Variants in CDH4 observed in about 807,000 individuals in gnomAD.
CDH4 encodes the protein cadherin-4.
In CDH4, 33 loss-of-function variants were observed where a neutral mutation model predicts 86.0. The ratio of observed to expected loss-of-function variants is 0.38; its 90% confidence interval spans 0.29 to 0.51. CDH4 has a LOEUF of 0.51. Ranked by LOEUF, CDH4 falls within the 20% of genes least tolerant of loss-of-function variation. The pLI is 0.86. For synonymous variants in CDH4, 555 were observed against 549.4 expected (o/e 1.01, Z -0.14); for missense variants, 1,114 against 1,307.4 (o/e 0.85, Z 2.28).
intron 2 of CDH4, among the ~76,000 whole-genome samples, chr20:61,436,077 C>T (rs1479197037): frequency 6.6e-6 from 1 of 152,160 alleles, no homozygotes; most frequent in East Asian, 1.9e-4. Context: ...TAGCCCTGCT[C>T]ATGCTCCAGA....
At chr20:61,735,054 C>T (rs560944856) in intron 2 of CDH4, among the ~76,000 whole-genome samples, 10 of 152,242 alleles carry the variant, frequency 6.6e-5, no homozygotes, top group South Asian at 6.3e-4. Context: ...ACAGGAAAAA[C>T]GACAGAGGGG....
rs1030179790 is a variant in CDH4, at chr20:61,480,245, C to G, written c.169+225308C>G. Among the ~76,000 whole-genome samples, 9 of 152,172 alleles carry G rather than the reference C, an allele frequency of 5.9e-5. No individual in the cohort carries two copies. Among genetic ancestry groups the G allele is most frequent in the Non-Finnish European group, 8.8e-5 (6 of 68,036 alleles). On this transcript the variant is annotated intron_variant, in intron 2 of 15. Coordinates refer to ENST00000614565, the MANE Select transcript of CDH4 (RefSeq NM_001794.5). This position sits in a 1 kb window ranked among gnomAD's most constrained non-coding sequence, Gnocchi z 5.2. ...ACCCCAGGAGGACCCCAGGCTCCCC[C>G]TCTCGTGGTAGCCTGGAAACTCCCC...
rs567871141 is a variant in CDH4 at position 61,518,660 on chromosome 20, A to G, written c.170-224903A>G. Reference sequence around the variant, plus strand: ...CATTTATCCATCCATTCATCCTTCCATCTATCATCCTTTATTCATCCATCC... The same window carrying G: ...CATTTATCCATCCATTCATCCTTCCGTCTATCATCCTTTATTCATCCATCC... On this transcript the variant is annotated intron_variant, in intron 2 of 15. Transcript: ENST00000614565. This position sits in a 1 kb window ranked among gnomAD's most constrained non-coding sequence, Gnocchi z 6.3. Among the ~76,000 whole-genome samples the G allele has an allele frequency of 1.1e-3, 170 of 151,184 alleles. 1 individual carries two copies. The highest frequency in any genetic ancestry group is 3.7e-3 in the African/African-American group (153 of 41,104).
chr20:61,732,829 C>G (rs371074975), intron 2 of CDH4, among the ~76,000 whole-genome samples: 2 of 152,352 alleles, frequency 1.3e-5, no homozygotes, highest in African/African-American at 4.8e-5. Flanking sequence ...ATGAGCCCCC[C>G]ACCCCATGTC....
At chr20:61,563,506 C>G (rs1384174530) in intron 2 of CDH4, among the ~76,000 whole-genome samples, 7 of 152,140 alleles carry the variant, frequency 4.6e-5, no homozygotes, top group Non-Finnish European at 8.8e-5. Context: ...CACATTCACA[C>G]TCAGCAGGGG....
At chr20:61,383,615 A>C (rs111220222) in intron 2 of CDH4, among the ~76,000 whole-genome samples, 5 of 42 alleles carry the variant, frequency 0.12, no homozygotes, top group African/African-American at 0.2. Context: ...GATATATATG[A>C]ATATATGATA....
intron 2 of CDH4, among the ~76,000 whole-genome samples, chr20:61,304,754 G>A (rs992222161): frequency 6.8e-6 from 1 of 147,218 alleles, no homozygotes; most frequent in African/African-American, 2.5e-5. Flanking sequence ...TGCATGCAGT[G>A]TGCATGTTGT....
chr20:61,466,902 G>C, intron 2 of CDH4, among the ~76,000 whole-genome samples: 1 of 150,812 alleles, frequency 6.6e-6, no homozygotes, highest in Non-Finnish European at 1.5e-5. Flanking sequence ...AAGACTGAGG[G>C]CGGGGGTGGG....
chr20:61,353,456 T>A (rs1186190111), intron 2 of CDH4, among the ~76,000 whole-genome samples: 1 of 152,084 alleles, frequency 6.6e-6, no homozygotes, highest in East Asian at 1.9e-4. Context: ...GTTATCTAAC[T>A]CTTTACCTTG....
chr20:61,838,563 G>A (rs1448676608), intron 4 of CDH4, among the ~76,000 whole-genome samples: 3 of 152,074 alleles, frequency 2.0e-5, no homozygotes, highest in African/African-American at 7.2e-5. Flanking sequence ...TGTAATCCCA[G>A]CACTTTGGGA....
rs2088796387 is a variant in CDH4 at position 61,773,080 on chromosome 20, C to A, written c.474C>A (p.His158Gln). 1.9e-6 allele frequency: 3 copies of A among 1,613,664 alleles called. No homozygotes were observed. The South Asian group carries it at 3.3e-5, about 18-fold the overall frequency. Residue 158 changes from histidine to glutamine, a missense_variant, in exon 4 of 16, where the codon CAC (histidine) becomes CAA (glutamine). Coordinates refer to ENST00000614565, the MANE Select transcript of CDH4 (RefSeq NM_001794.5). ...ACACCCTGCTGCCGTGGCCCCAGCA[C>A]CAGAACGCCAACGGGCTGAGGCGGC... ...PKDTLLPWPQ[H>Q]QNANGLRRRK... is the part of the protein sequence containing the mutation.
chr20:61,726,083 C>A (rs1057157670), intron 2 of CDH4, among the ~76,000 whole-genome samples: 9 of 151,990 alleles, frequency 5.9e-5, no homozygotes, highest in Non-Finnish European at 7.4e-5. Flanking sequence ...CCAGCCACCA[C>A]GACCAGGGCC....
In CDH4 at chr20:61,252,510, G is replaced by C. The variant is rs2084066921; in HGVS notation, c.-4G>C. On this transcript the variant is annotated 5_prime_UTR_variant, in exon 1 of 16. Coordinates refer to ENST00000614565, the MANE Select transcript of CDH4 (RefSeq NM_001794.5). The surrounding 1 kb of genome is among the most constrained non-coding windows in gnomAD (Gnocchi z 4.4). ...TGCCGGGCACCGGGCGGGCGGCGGG[G>C]AAGATGACCGCGGGCGCCGGCGTGC... 8.4e-7 allele frequency: 1 copy of C among 1,185,344 alleles called. No homozygotes were observed. The highest frequency in any genetic ancestry group is 4.6e-5 in the Admixed American group (1 of 21,858). 73.4% of individuals were successfully genotyped at this position (1,185,344 alleles called of 1,614,324 possible). A position where few individuals can be genotyped will look rare whatever the true frequency, so the allele number is the denominator to read the frequency against.
chr20:61,698,969 G>T (rs1359718004), intron 2 of CDH4, among the ~76,000 whole-genome samples: 1 of 152,230 alleles, frequency 6.6e-6, no homozygotes, highest in African/African-American at 2.4e-5. Context: ...CACCTTTGGT[G>T]GTTGCATCCC....
intron 2 of CDH4, among the ~76,000 whole-genome samples, chr20:61,707,478 G>T (rs894774158): frequency 1.5e-4 from 23 of 152,234 alleles, no homozygotes; most frequent in African/African-American, 5.5e-4. Flanking sequence ...CTGGGTGAAC[G>T]CGGGATGTGG....
chr20:61,895,675 G>T (rs2122873068), intron 8 of CDH4, among the ~76,000 whole-genome samples: 1 of 152,328 alleles, frequency 6.6e-6, no homozygotes, highest in East Asian at 1.9e-4. Context: ...ACCACCAGGA[G>T]GGACCCTTCC....
chr20:61,824,279 G>A (rs1981205225), intron 4 of CDH4, among the ~76,000 whole-genome samples: 1 of 151,896 alleles, frequency 6.6e-6, no homozygotes, highest in Admixed American at 6.6e-5. Context: ...CAGGTGTCTG[G>A]TGGGTAGCTG....
At chr20:61,547,377 T>C (rs1484250004) in intron 2 of CDH4, among the ~76,000 whole-genome samples, 1 of 151,722 alleles carries the variant, frequency 6.6e-6, no homozygotes, top group African/African-American at 2.4e-5. Flanking sequence ...TGCGCCCGGC[T>C]AATTTTTTTT....
intron 2 of CDH4, among the ~76,000 whole-genome samples, chr20:61,296,182 G>A (rs1252951033): frequency 1.4e-5 from 2 of 143,756 alleles, no homozygotes; most frequent in African/African-American, 5.5e-5. Flanking sequence ...ATAAGTATGA[G>A]TGTGTGCGTG....
Sources: gnomAD v4.1 joint callset for allele counts (sites outside exome capture counted in the v4.1 genomes callset) on GRCh38, gnomAD v4.1.1 for gene constraint, Gnocchi (gnomAD v3.1) non-coding constraint, MANE v1.5 for transcripts, NCBI Gene and HGNC (gene_info 2026-07-23, HGNC 2026-07-21) for gene names.